The following ADAMTSL1 variants were observed in gnomAD, a reference collection of about 807,000 sequenced individuals.
ADAMTSL1 encodes ADAMTS like 1, also known as ADAMTS-like protein 1.
A neutral mutation model predicts 201.8 loss-of-function variants in ADAMTSL1; 126 were observed. That is an observed-to-expected ratio of 0.62 (90% confidence interval 0.54 to 0.72). ADAMTSL1 has a LOEUF of 0.72. ADAMTSL1 is among the 30% of genes least tolerant of loss of function. The pLI is 0.00. For synonymous variants in ADAMTSL1, 1,121 were observed against 903.4 expected (o/e 1.24, Z -4.32); for missense variants, 2,679 against 2,277.8 (o/e 1.18, Z -3.59).
At chr9:18,793,721 A>C (rs1822193518) in intron 19 of ADAMTSL1, among the ~76,000 whole-genome samples, 1 of 152,172 alleles carries the variant, frequency 6.6e-6, no homozygotes. Flanking sequence ...GCTATCAAAT[A>C]AACTGTCAAC....
At chr9:18,584,135 C>T (rs536790490) in intron 4 of ADAMTSL1, among the ~76,000 whole-genome samples, 1 of 152,272 alleles carries the variant, frequency 6.6e-6, no homozygotes, top group African/African-American at 2.4e-5. Context: ...GCTGTGTCCC[C>T]ACCCTAATCT....
At chr9:18,547,361 A>G (rs1267532299) in intron 3 of ADAMTSL1, among the ~76,000 whole-genome samples, 1 of 152,048 alleles carries the variant, frequency 6.6e-6, no homozygotes, top group African/African-American at 2.4e-5. Flanking sequence ...ATATAAAATG[A>G]TAAAACCAGT....
At chr9:18,470,586 C>A (rs1319140147), upstream of ADAMTSL1, among the ~76,000 whole-genome samples, 1 of 152,086 alleles carries the variant, frequency 6.6e-6, no homozygotes, top group African/African-American at 2.4e-5. Flanking sequence ...CCCTGTGTCC[C>A]CTATACACTG....
At chr9:17,962,227 G>A (rs939070866) in intron 1 of ADAMTSL1, among the ~76,000 whole-genome samples, 3 of 152,104 alleles carry the variant, frequency 2.0e-5, no homozygotes, top group African/African-American at 7.2e-5. Flanking sequence ...TACCTGAAGG[G>A]CTATAATGAG....
At chr9:18,601,022 T>C (rs1049582889) in intron 4 of ADAMTSL1, among the ~76,000 whole-genome samples, 1 of 152,198 alleles carries the variant, frequency 6.6e-6, no homozygotes, top group Non-Finnish European at 1.5e-5. Context: ...TCACTTGTGT[T>C]TCTTTTCTTT....
chr9:18,461,323 A>G (rs1016180862), intron 2 of ADAMTSL1, among the ~76,000 whole-genome samples: 13 of 152,216 alleles, frequency 8.5e-5, no homozygotes, highest in African/African-American at 3.1e-4. Context: ...AATCAAGTCA[A>G]TTTATCATTA....
intron 1 of ADAMTSL1, among the ~76,000 whole-genome samples, chr9:18,124,234 C>A (rs971391041): frequency 1.3e-5 from 2 of 151,864 alleles, no homozygotes; most frequent in Middle Eastern, 3.4e-3. Context: ...AGGTGTGCAC[C>A]ACCATGCCTG....
At chr9:18,201,622 G>T (rs532374346) in intron 2 of ADAMTSL1, among the ~76,000 whole-genome samples, 1 of 152,150 alleles carries the variant, frequency 6.6e-6, no homozygotes, top group South Asian at 2.1e-4. Flanking sequence ...CAGGAATTTA[G>T]GAGAATACCT....
intron 1 of ADAMTSL1, among the ~76,000 whole-genome samples, chr9:17,986,868 G>A (rs1303359757): frequency 2.0e-5 from 3 of 151,968 alleles, no homozygotes; most frequent in South Asian, 4.1e-4. Context: ...AGCACAGTTG[G>A]GGGGAGATTA....
At chr9:18,879,640 A>C (rs1347561177) in intron 23 of ADAMTSL1, among the ~76,000 whole-genome samples, 1 of 152,230 alleles carries the variant, frequency 6.6e-6, no homozygotes, top group Non-Finnish European at 1.5e-5. Flanking sequence ...TAATTTAAAA[A>C]TACTTTATTG....
intron 1 of ADAMTSL1, among the ~76,000 whole-genome samples, chr9:18,027,775 T>C (rs1820765144): frequency 6.6e-6 from 1 of 152,076 alleles, no homozygotes; most frequent in Non-Finnish European, 1.5e-5. Flanking sequence ...TCATTATTAA[T>C]TTGTTTTCTG....
intron 1 of ADAMTSL1, among the ~76,000 whole-genome samples, chr9:17,913,784 TAAA>T (rs1468666969): frequency 2.0e-5 from 3 of 148,090 alleles, no homozygotes; most frequent in Non-Finnish European, 3.0e-5. Flanking sequence ...GCGAGACTAA[TAAA>T]GAAGAAAAGA....
intron 2 of ADAMTSL1, among the ~76,000 whole-genome samples, chr9:18,211,958 A>T (rs1028520856): frequency 6.6e-6 from 1 of 152,210 alleles, no homozygotes; most frequent in African/African-American, 2.4e-5. Context: ...TTCTGCAGGA[A>T]GTGCATTTTG....
intron 2 of ADAMTSL1, among the ~76,000 whole-genome samples, chr9:18,173,950 T>G (rs1298520152): frequency 2.0e-5 from 3 of 152,134 alleles, no homozygotes; most frequent in Non-Finnish European, 4.4e-5. Flanking sequence ...AATTCCTGAG[T>G]TAGTCACCAC....
chr9:18,646,373 C>G (rs1435972349), intron 7 of ADAMTSL1, among the ~76,000 whole-genome samples: 1 of 151,998 alleles, frequency 6.6e-6, no homozygotes, highest in Non-Finnish European at 1.5e-5. Context: ...TAATTGAATA[C>G]CCTTTATTTC....
chr9:18,331,577 A>G (rs1267806850), intron 2 of ADAMTSL1, among the ~76,000 whole-genome samples: 1 of 152,202 alleles, frequency 6.6e-6, no homozygotes, highest in Non-Finnish European at 1.5e-5. Flanking sequence ...TGAATGAATT[A>G]TTGAAGTCCC....
chr9:18,243,772 G>T (rs1587384650), intron 2 of ADAMTSL1, among the ~76,000 whole-genome samples: 1 of 152,066 alleles, frequency 6.6e-6, no homozygotes, highest in Non-Finnish European at 1.5e-5. Flanking sequence ...ATACCCCAAG[G>T]CTTCCTGATA....
At chr9:18,093,379 C>T (rs12348651) in intron 1 of ADAMTSL1, among the ~76,000 whole-genome samples, 13,871 of 152,176 alleles carry the variant, frequency 0.091, 740 homozygotes, top group African/African-American at 0.14. Context: ...TAAATGCAGA[C>T]AGTTTAGAAT....
intron 2 of ADAMTSL1, among the ~76,000 whole-genome samples, chr9:18,164,352 G>A (rs10963482): frequency 0.24 from 36,866 of 151,654 alleles, 5,111 homozygotes; most frequent in Non-Finnish European, 0.31. Context: ...ATGGGTCAGT[G>A]GAAATTCCAC....
Sources: allele counts gnomAD v4.1 joint callset (sites outside exome capture counted in the v4.1 genomes callset), GRCh38; gene constraint gnomAD v4.1.1; transcripts MANE v1.5; gene names NCBI Gene and HGNC (gene_info 2026-07-23, HGNC 2026-07-21).